CNTNAP2: variants seen among roughly 807,000 people sequenced by gnomAD.
The protein encoded by CNTNAP2 is contactin-associated protein-like 2.
In CNTNAP2, 98 loss-of-function variants were observed where a neutral mutation model predicts 155.2. That is an observed-to-expected ratio of 0.63 (90% CI 0.54 to 0.75). CNTNAP2 has a LOEUF of 0.75. CNTNAP2 is among the 30% of genes least tolerant of loss of function. The pLI is 0.00. For synonymous variants in CNTNAP2, 651 were observed against 631.2 expected (o/e 1.03, Z -0.47); for missense variants, 1,727 against 1,688.1 (o/e 1.02, Z -0.40).
chr7:146,685,793 A>G (rs1027498947), intron 1 of CNTNAP2, among the ~76,000 whole-genome samples: 2 of 152,182 alleles, frequency 1.3e-5, no homozygotes, highest in Non-Finnish European at 2.9e-5. Flanking sequence ...TATATTTTCT[A>G]TTAAACTTAG....
chr7:147,931,581 A>G (rs973665512), intron 14 of CNTNAP2, among the ~76,000 whole-genome samples: 3 of 152,202 alleles, frequency 2.0e-5, no homozygotes, highest in Non-Finnish European at 4.4e-5. Context: ...GCATATCAAA[A>G]AGATCATACA....
chr7:147,280,165 AC>A (rs1485340822), intron 8 of CNTNAP2, among the ~76,000 whole-genome samples: 2 of 151,958 alleles, frequency 1.3e-5, no homozygotes, highest in East Asian at 3.9e-4. Flanking sequence ...CGCTGTTTAA[AC>A]AAAGAAGAAA....
intron 11 of CNTNAP2, among the ~76,000 whole-genome samples, chr7:147,503,217 C>T (rs374431006): frequency 8.8e-4 from 134 of 152,236 alleles, no homozygotes; most frequent in African/African-American, 3.2e-3. Flanking sequence ...CATACCTTGA[C>T]TTGTACATGC....
intron 19 of CNTNAP2, among the ~76,000 whole-genome samples, chr7:148,225,770 G>A (rs899207499): frequency 1.3e-5 from 2 of 152,132 alleles, no homozygotes; most frequent in African/African-American, 2.4e-5. Flanking sequence ...TAAGATTCAG[G>A]GCATATTTTG....
intron 16 of CNTNAP2, among the ~76,000 whole-genome samples, chr7:148,129,131 C>CT (rs1804773620): frequency 6.6e-6 from 1 of 152,172 alleles, no homozygotes; most frequent in African/African-American, 2.4e-5. Flanking sequence ...TCAACTTCTG[C>CT]TTTGGAAACC....
chr7:148,350,454 G>A (rs1219816131), intron 21 of CNTNAP2, among the ~76,000 whole-genome samples: 1 of 152,134 alleles, frequency 6.6e-6, no homozygotes, highest in South Asian at 2.1e-4. Flanking sequence ...ATTTTTTGAG[G>A]TCATGCGTAG....
At position 148,142,091 on chromosome 7, in the gene CNTNAP2, C is replaced by CTGTGTGTG. The variant is rs1193809306; in HGVS notation, c.2555-5399_2555-5398insGTGTGTGT. Among the ~76,000 whole-genome samples, 61 of 100,064 alleles carry CTGTGTGTG rather than the reference C, an allele frequency of 6.1e-4. No homozygotes were observed. The South Asian group carries it at 0.012, about 19-fold the overall frequency. The allele number at this position is 100,064 out of a possible 152,430, so 65.6% of individuals were successfully genotyped here. A position where few individuals can be genotyped will look rare whatever the true frequency, so the allele number is the denominator to read the frequency against. ...GTGGTTGTTAAGAGTAGAGATATGTCTCTGTGTGTGTGTGTGTGTGTGTGT... is the reference window on the plus strand; with the variant it reads ...GTGGTTGTTAAGAGTAGAGATATGTCTGTGTGTGTCTGTGTGTGTGTGTGTGTGTGTGT... On this transcript the variant is annotated intron_variant, in intron 16 of 23. Coordinates refer to ENST00000361727, the MANE Select transcript of CNTNAP2 (RefSeq NM_014141.6).
At chr7:147,410,183 A>G (rs530422617) in intron 10 of CNTNAP2, among the ~76,000 whole-genome samples, 1 of 152,366 alleles carries the variant, frequency 6.6e-6, no homozygotes, top group African/African-American at 2.4e-5. Flanking sequence ...TGTGGTACAT[A>G]TACACCATGG....
chr7:148,236,853 C>T (rs750727868), intron 20 of CNTNAP2, among the ~76,000 whole-genome samples: 14 of 152,250 alleles, frequency 9.2e-5, no homozygotes, highest in Admixed American at 3.3e-4. Context: ...GAAGGTGCTA[C>T]GCACTTTCAA....
intron 15 of CNTNAP2, among the ~76,000 whole-genome samples, chr7:147,998,204 C>T (rs528902389): frequency 2.0e-5 from 3 of 147,208 alleles, no homozygotes; most frequent in South Asian, 2.1e-4. Flanking sequence ...CTCTGCCTCC[C>T]GGGTTCAAGT....
At chr7:147,723,658 C>T (rs1796600302) in intron 13 of CNTNAP2, among the ~76,000 whole-genome samples, 1 of 151,740 alleles carries the variant, frequency 6.6e-6, no homozygotes, top group African/African-American at 2.4e-5. Flanking sequence ...TAATAGTAAC[C>T]ATCTTTCAAA....
intron 13 of CNTNAP2, among the ~76,000 whole-genome samples, chr7:147,865,516 T>C (rs963838257): frequency 6.6e-6 from 1 of 152,194 alleles, no homozygotes; most frequent in African/African-American, 2.4e-5. Context: ...CAGCTCCTCT[T>C]TGTACCTCTG....
At chr7:146,921,810 C>T (rs1225257206) in intron 3 of CNTNAP2, among the ~76,000 whole-genome samples, 1 of 152,060 alleles carries the variant, frequency 6.6e-6, no homozygotes, top group Non-Finnish European at 1.5e-5. Flanking sequence ...ATAATGAGAT[C>T]AGGTAGCAGA....
chr7:146,624,244 G>C (rs1309739893), intron 1 of CNTNAP2, among the ~76,000 whole-genome samples: 2 of 151,976 alleles, frequency 1.3e-5, no homozygotes, highest in African/African-American at 4.8e-5. Context: ...CTTTTGAAGA[G>C]CAAATATTTT....
chr7:146,720,556 C>T (rs996169192), intron 1 of CNTNAP2, among the ~76,000 whole-genome samples: 3 of 151,978 alleles, frequency 2.0e-5, no homozygotes, highest in Non-Finnish European at 2.9e-5. Context: ...AAAGAATTAT[C>T]CTTCTAGGAT....
chr7:146,557,318 G>C (rs1471133158), intron 1 of CNTNAP2, among the ~76,000 whole-genome samples: 1 of 152,016 alleles, frequency 6.6e-6, no homozygotes, highest in East Asian at 1.9e-4. Context: ...ACCCTCCCAG[G>C]CTGGAGGTGT....
intron 20 of CNTNAP2, among the ~76,000 whole-genome samples, chr7:148,247,623 CTCTATTTATT>C (rs1285824957): frequency 5.9e-5 from 6 of 102,456 alleles, no homozygotes; most frequent in Non-Finnish European, 7.8e-5. Context: ...CTCTCTCTCT[CTCTATTTATT>C]TATTTATTTA....
chr7:146,246,791 T>G (rs1799666350), intron 1 of CNTNAP2, among the ~76,000 whole-genome samples: 1 of 152,168 alleles, frequency 6.6e-6, no homozygotes, highest in Admixed American at 6.5e-5. Flanking sequence ...TTAGGAGGAA[T>G]CCTGGGCTGC....
At chr7:147,880,097 G>T (rs76298264) in intron 13 of CNTNAP2, among the ~76,000 whole-genome samples, 1,666 of 152,330 alleles carry the variant, frequency 0.011, 87 homozygotes, top group Admixed American at 0.091. Flanking sequence ...GGTCCTCTCA[G>T]CTGCAAAGCA....
Sources: allele counts gnomAD v4.1 joint callset (sites outside exome capture counted in the v4.1 genomes callset), GRCh38; gene constraint gnomAD v4.1.1; transcripts MANE v1.5; gene names NCBI Gene and HGNC (gene_info 2026-07-23, HGNC 2026-07-21).